OBI1: variants seen among roughly 807,000 people sequenced by gnomAD.
OBI1 encodes ORC ubiquitin ligase 1.
Under a neutral mutation model 62.4 loss-of-function variants are expected in OBI1, and 59 were observed. The observed-to-expected ratio is 0.95, with a 90% CI of 0.77 to 1.17. OBI1 has a LOEUF of 1.17. Among genes scored for constraint, OBI1 ranks in the 50% most tolerant of loss-of-function variants. The probability of loss-of-function intolerance (pLI) is 0.00; values close to 1 mark genes in which losing one functional copy is unlikely to be tolerated. For synonymous variants in OBI1, 302 were observed against 292.8 expected, an observed-to-expected ratio of 1.03 and a Z score of -0.32; for missense variants, 875 against 830.9, an observed-to-expected ratio of 1.05 and a Z score of -0.65.
In OBI1 at chr13:78,616,420, T is replaced by C; in HGVS notation, c.1341A>G (p.Ile447Met). 1.2e-6 allele frequency: 2 copies of C among 1,613,300 alleles called. No homozygotes were observed. Among genetic ancestry groups the C allele is most frequent in the Non-Finnish European group, 1.7e-6 (2 of 1,179,752 alleles). Residue 447 changes from isoleucine to methionine, a missense_variant, in exon 6 of 6, where the codon ATA becomes ATG. Physicochemically the swap from Ile to Met is conservative, Grantham distance 10 (BLOSUM62 1). Coordinates refer to ENST00000282003, the MANE Select transcript of OBI1 (RefSeq NM_024546.4). ...VSNKDSSEDDISRSENEKKSE... is the reference protein window; with the variant it reads ...VSNKDSSEDDMSRSENEKKSE... ...ATTTCTTTTCATTTTCACTTCTACT[T>C]ATATCATCTTCTGAAGAATCTTTAT...
intron 1 of OBI1, among the ~76,000 whole-genome samples, chr13:78,649,758 G>A (rs916229296): frequency 2.0e-5 from 3 of 152,136 alleles, no homozygotes; most frequent in African/African-American, 7.2e-5. Context: ...AGGAGATTTT[G>A]GCACATACAG....
At chr13:78,645,832 G>T (rs9593350) in intron 1 of OBI1, among the ~76,000 whole-genome samples, 55,990 of 151,848 alleles carry the variant, frequency 0.37, 10,633 homozygotes, top group African/African-American at 0.39. Flanking sequence ...CTATTTTTAG[G>T]AGAGACGGGG....
chr13:78,649,685 A>G (rs777997583), intron 1 of OBI1, among the ~76,000 whole-genome samples: 8 of 152,210 alleles, frequency 5.3e-5, no homozygotes, highest in Non-Finnish European at 1.2e-4. Flanking sequence ...TGATGGGGGT[A>G]TTACAGCGAT....
Position 78,615,320 on chromosome 13 carries a change from AC to A in OBI1, c.*259del. 3.1e-6 allele frequency: 1 copy of A among 319,426 alleles called. No individual in the cohort carries two copies. The highest frequency in any genetic ancestry group is 5.7e-6 in the Non-Finnish European group (1 of 176,212). 19.8% of individuals were successfully genotyped at this position (319,426 alleles called of 1,614,324 possible). On this transcript the variant is annotated 3_prime_UTR_variant, in exon 6 of 6. Coordinates refer to ENST00000282003, the MANE Select transcript of OBI1 (RefSeq NM_024546.4). ...AACCAAAAACAAAACCAACCAACCA[AC>A]CAACCCCAAAACACAAAAATAACCT...
intron 3 of OBI1, 146 bp from the exon 4 acceptor site, chr13:78,639,217 G>A: frequency 1.3e-6 from 1 of 778,128 alleles, no homozygotes. Context: ...AGTTTTGCAG[G>A]GAGAAAGTCA....
intron 5 of OBI1, among the ~76,000 whole-genome samples, chr13:78,624,303 A>T (rs1875601158): frequency 6.6e-6 from 1 of 152,210 alleles, no homozygotes; most frequent in African/African-American, 2.4e-5. Flanking sequence ...CAAAGTTGAT[A>T]AAGACAGGGG....
Position 78,616,513 on chromosome 13 carries a change from G to C in OBI1, c.1248C>G (p.Ser416=). 1 of 1,614,012 alleles carries C rather than the reference G, an allele frequency of 6.2e-7. No individual in the cohort carries two copies. The highest frequency in any genetic ancestry group is 8.5e-7 in the Non-Finnish European group (1 of 1,179,994). Residue 416 remains serine, a synonymous_variant, in exon 6 of 6, where the codon TCC becomes TCG. Transcript: ENST00000282003. The part of the protein sequence containing the change: ...RESSVVQAGG[S]KKHSNHLRKL... The stretch of plus-strand genomic sequence containing the variant: ...TTCTGAGATGGTTTGAGTGCTTTTT[G>C]GAACCTCCTGCTTGGACCACAGAGC...
intron 1 of OBI1, among the ~76,000 whole-genome samples, chr13:78,647,160 T>C (rs1876410157): frequency 6.6e-6 from 1 of 152,206 alleles, no homozygotes; most frequent in Non-Finnish European, 1.5e-5. Flanking sequence ...TGTGATAGCC[T>C]GAGATATGGC....
chr13:78,630,322 A>G (rs1170681853), intron 5 of OBI1, among the ~76,000 whole-genome samples: 1 of 152,178 alleles, frequency 6.6e-6, no homozygotes, highest in Admixed American at 6.5e-5. Flanking sequence ...AGAACATAAT[A>G]AACTCCCATT....
At chr13:78,641,624 C>A (rs1342175551) in intron 3 of OBI1, among the ~76,000 whole-genome samples, 1 of 152,156 alleles carries the variant, frequency 6.6e-6, no homozygotes, top group Non-Finnish European at 1.5e-5. Flanking sequence ...ATGTTTCACA[C>A]TAAAATCTCT....
chr13:78,629,140 A>G (rs1344513394), intron 5 of OBI1, among the ~76,000 whole-genome samples: 3 of 152,096 alleles, frequency 2.0e-5, no homozygotes, highest in Non-Finnish European at 4.4e-5. Flanking sequence ...GAGTATCTAG[A>G]GCCTTTATCC....
At chr13:78,617,356 T>C (rs1010015767) in intron 5 of OBI1, 1 of 397,954 alleles carries the variant, frequency 2.5e-6, no homozygotes, top group Non-Finnish European at 4.5e-6. Context: ...TGTGGTTAAA[T>C]CAGATCTATG....
chr13:78,657,575 A>G (rs754243636), intron 1 of OBI1, among the ~76,000 whole-genome samples: 11 of 152,242 alleles, frequency 7.2e-5, no homozygotes, highest in Non-Finnish European at 1.6e-4. Context: ...GCAAATCACT[A>G]TATTCTATGA....
At chr13:78,646,111 G>T (rs1876374057) in intron 1 of OBI1, among the ~76,000 whole-genome samples, 1 of 152,142 alleles carries the variant, frequency 6.6e-6, no homozygotes, top group Non-Finnish European at 1.5e-5. Context: ...GCTTGCTCAG[G>T]GTTAACTGGG....
chr13:78,618,393 G>GA (rs543790566), intron 5 of OBI1, among the ~76,000 whole-genome samples: 158 of 144,464 alleles, frequency 1.1e-3, no homozygotes, highest in Non-Finnish European at 1.6e-3. Flanking sequence ...ATTTAGTATT[G>GA]AAAAAAAAAA....
intron 4 of OBI1, among the ~76,000 whole-genome samples, chr13:78,637,694 G>A (rs1457159421): frequency 6.6e-6 from 1 of 152,108 alleles, no homozygotes; most frequent in Non-Finnish European, 1.5e-5. Flanking sequence ...TACTAACACT[G>A]GTCATCAATA....
chr13:78,633,928 G>A (rs1246940353), intron 5 of OBI1, among the ~76,000 whole-genome samples: 4 of 151,886 alleles, frequency 2.6e-5, no homozygotes, highest in Non-Finnish European at 2.9e-5. Context: ...TTAGCCGGGC[G>A]AGGTGGCGGG....
At chr13:78,647,818 T>C (rs2137464157) in intron 1 of OBI1, among the ~76,000 whole-genome samples, 1 of 130,120 alleles carries the variant, frequency 7.7e-6, no homozygotes, top group Non-Finnish European at 1.7e-5. Context: ...TGAGTCTCGT[T>C]ACAAAGAGCT....
chr13:78,638,729 T>C (rs1876102266), intron 4 of OBI1, 94 bp downstream of exon 4: 1 of 1,133,610 alleles, frequency 8.8e-7, no homozygotes, highest in Admixed American at 2.3e-5. Context: ...TCACAAATCA[T>C]CTGATGATGA....
Sources: gnomAD v4.1 joint callset for allele counts (sites outside exome capture counted in the v4.1 genomes callset) on GRCh38, gnomAD v4.1.1 for gene constraint, MANE v1.5 for transcripts, NCBI Gene and HGNC (gene_info 2026-07-23, HGNC 2026-07-21) for gene names.